Variants in HS3ST4 observed in about 807,000 individuals in gnomAD.
HS3ST4 encodes heparan sulfate-glucosamine 3-sulfotransferase 4.
In HS3ST4, 17 loss-of-function variants were observed where a neutral mutation model predicts 29.2. The observed-to-expected ratio is 0.58, with a 90% CI of 0.40 to 0.87. The LOEUF is 0.87. Among genes scored for constraint, HS3ST4 ranks in the 40% least tolerant of loss-of-function variants. The pLI is 0.00. For missense variants in HS3ST4, 627 were observed against 634.5 expected (o/e 0.99, Z 0.13); for synonymous variants, 314 against 285.7 (o/e 1.10, Z -1.00).
chr16:25,998,237 C>G (rs1053626624), intron 1 of HS3ST4, among the ~76,000 whole-genome samples: 2 of 152,076 alleles, frequency 1.3e-5, no homozygotes, highest in African/African-American at 4.8e-5. Context: ...GCTGAGGTTG[C>G]ACCACTGCAC....
intron 1 of HS3ST4, among the ~76,000 whole-genome samples, chr16:26,099,615 C>T (rs1297763841): frequency 6.6e-6 from 1 of 152,180 alleles, no homozygotes. Context: ...CATCATCAGA[C>T]TTCATGAGAA....
chr16:26,130,769 A>C (rs1899407126), intron 1 of HS3ST4, among the ~76,000 whole-genome samples: 2 of 152,148 alleles, frequency 1.3e-5, no homozygotes, highest in Admixed American at 1.3e-4. Context: ...CTTCTAACAA[A>C]GGTAAAGAGG....
intron 1 of HS3ST4, among the ~76,000 whole-genome samples, chr16:26,081,328 A>G (rs1162488851): frequency 3.9e-5 from 6 of 152,012 alleles, no homozygotes; most frequent in Admixed American, 3.9e-4. Context: ...CTATCCCTAG[A>G]TAATACCTAA....
chr16:25,731,164 G>A (rs377672677), intron 1 of HS3ST4, among the ~76,000 whole-genome samples: 5 of 152,248 alleles, frequency 3.3e-5, no homozygotes, highest in African/African-American at 9.6e-5. Flanking sequence ...TAGGCATGGG[G>A]CACCCACATG....
At chr16:26,122,118 A>T (rs1057270387) in intron 1 of HS3ST4, among the ~76,000 whole-genome samples, 10 of 151,824 alleles carry the variant, frequency 6.6e-5, no homozygotes, top group African/African-American at 2.2e-4. Context: ...CTGTGGACTT[A>T]AGAATTATTG....
intron 1 of HS3ST4, among the ~76,000 whole-genome samples, chr16:25,774,472 C>G (rs768579017): frequency 6.6e-6 from 1 of 152,248 alleles, no homozygotes; most frequent in Non-Finnish European, 1.5e-5. Flanking sequence ...AAGAAGCAGT[C>G]TCTTCCCTTG....
chr16:25,752,298 A>C (rs560321405), intron 1 of HS3ST4, among the ~76,000 whole-genome samples: 1 of 152,174 alleles, frequency 6.6e-6, no homozygotes, highest in South Asian at 2.1e-4. Flanking sequence ...TATTAATAAC[A>C]TGAAGACATA....
At chr16:26,055,159 G>A (rs1277273112) in intron 1 of HS3ST4, among the ~76,000 whole-genome samples, 1 of 151,740 alleles carries the variant, frequency 6.6e-6, no homozygotes, top group Non-Finnish European at 1.5e-5. Flanking sequence ...CATGAGAGAG[G>A]GTCAGGGCCC....
chr16:25,885,253 TG>T (rs1161712649), intron 1 of HS3ST4, among the ~76,000 whole-genome samples: 1 of 152,188 alleles, frequency 6.6e-6, no homozygotes, highest in Non-Finnish European at 1.5e-5. Flanking sequence ...TTCAGCAAGA[TG>T]GGGACTTCCT....
intron 1 of HS3ST4, among the ~76,000 whole-genome samples, chr16:25,873,761 C>A (rs573519482): frequency 6.6e-6 from 1 of 152,050 alleles, no homozygotes; most frequent in Admixed American, 6.6e-5. Flanking sequence ...TCCATCTGTT[C>A]ACCCATTAAT....
Position 26,135,966 on chromosome 16 carries a change from C to T in HS3ST4, c.1089C>T (p.Asp363=), listed in dbSNP as rs754579224. Residue 363 remains aspartate (D), a synonymous_variant, in exon 2 of 2, where the codon GAC becomes GAT. Transcript: ENST00000331351. ...LFVSGERLIV[D]PAGEMAKVQD... ...TCAGTGGTGAGCGACTCATTGTGGACCCCGCCGGGGAAATGGCCAAAGTAC... is the reference window on the plus strand; with the variant it reads ...TCAGTGGTGAGCGACTCATTGTGGATCCCGCCGGGGAAATGGCCAAAGTAC... 9.9e-6 allele frequency: 16 copies of T among 1,613,968 alleles called. No homozygotes were observed. In the South Asian group the frequency reaches 1.8e-4, roughly 18 times the overall value.
chr16:26,123,663 C>G (rs911517346), intron 1 of HS3ST4, among the ~76,000 whole-genome samples: 1 of 152,156 alleles, frequency 6.6e-6, no homozygotes, highest in Non-Finnish European at 1.5e-5. Context: ...ATCCCTCACT[C>G]CCCTGTCCAA....
intron 1 of HS3ST4, among the ~76,000 whole-genome samples, chr16:25,931,864 C>T (rs1232641733): frequency 1.3e-5 from 2 of 152,304 alleles, no homozygotes; most frequent in South Asian, 2.1e-4. Context: ...TTCAAGTCTT[C>T]CCAGCTTGGA....
intron 1 of HS3ST4, among the ~76,000 whole-genome samples, chr16:26,084,753 T>C (rs533544312): frequency 6.6e-6 from 1 of 151,976 alleles, no homozygotes; most frequent in South Asian, 2.1e-4. Context: ...ACTGGCTAAT[T>C]ATTTTAGTTG....
chr16:25,833,528 G>A (rs1967327042), intron 1 of HS3ST4, among the ~76,000 whole-genome samples: 1 of 152,156 alleles, frequency 6.6e-6, no homozygotes, highest in Admixed American at 6.5e-5. Context: ...TATATCATAA[G>A]CACTTAATAA....
At position 26,135,930 on chromosome 16, in the gene HS3ST4, G is replaced by A. The variant is rs949191190; in HGVS notation, c.1053G>A (p.Gln351=). 3 of 1,613,984 alleles carry A rather than the reference G, an allele frequency of 1.9e-6. No individual in the cohort carries two copies. The highest frequency in any genetic ancestry group is 2.5e-6 in the Non-Finnish European group (3 of 1,179,870). ...ENWLQYFPLS[Q]ILFVSGERLI... ...GGCTCCAGTATTTCCCCCTCTCCCA[G>A]ATCCTCTTTGTCAGTGGTGAGCGAC... The change falls in exon 2 of 2, where the codon CAG becomes CAA. Residue 351 remains glutamine, a synonymous_variant. Coordinates refer to ENST00000331351, the MANE Select transcript of HS3ST4 (RefSeq NM_006040.3).
chr16:25,977,136 T>C, intron 1 of HS3ST4, among the ~76,000 whole-genome samples: 1 of 152,162 alleles, frequency 6.6e-6, no homozygotes, highest in East Asian at 1.9e-4. Context: ...GTCATTATTG[T>C]TCTTATTATA....
chr16:25,899,721 T>G (rs753442989), intron 1 of HS3ST4, among the ~76,000 whole-genome samples: 2 of 151,478 alleles, frequency 1.3e-5, no homozygotes, highest in Non-Finnish European at 2.9e-5. Context: ...ACCATGTTGA[T>G]CAGGTTGGCT....
intron 1 of HS3ST4, among the ~76,000 whole-genome samples, chr16:25,785,814 C>G (rs763578140): frequency 1.3e-5 from 2 of 152,234 alleles, no homozygotes; most frequent in South Asian, 4.2e-4. Flanking sequence ...GTGAGTGACA[C>G]AAGCCGGGAG....
Sources: allele counts gnomAD v4.1 joint callset (sites outside exome capture counted in the v4.1 genomes callset), GRCh38; gene constraint gnomAD v4.1.1; transcripts MANE v1.5; gene names NCBI Gene and HGNC (gene_info 2026-07-23, HGNC 2026-07-21).